The following DTWD2 variants were observed in gnomAD, a reference collection of about 807,000 sequenced individuals.
The protein encoded by DTWD2 is DTW motif tRNA-uridine aminocarboxypropyltransferase 2, also known as tRNA-uridine aminocarboxypropyltransferase 2.
Under a neutral mutation model 31.8 loss-of-function variants are expected in DTWD2, and 39 were observed. The observed-to-expected ratio is 1.22, with a 90% CI of 0.95 to 1.60. The LOEUF is 1.60. DTWD2 is among the 40% of genes most tolerant of loss of function. The pLI, the probability that DTWD2 is intolerant of heterozygous loss-of-function variation, is 0.00. For missense variants in DTWD2, 515 were observed against 381.5 expected (o/e 1.35, Z -2.92); for synonymous variants, 180 against 142.8 (o/e 1.26, Z -1.86).
At chr5:118,929,109 A>AAACAATCCT (rs1390476377) in intron 3 of DTWD2, among the ~76,000 whole-genome samples, 4 of 152,254 alleles carry the variant, frequency 2.6e-5, no homozygotes, top group African/African-American at 9.6e-5. Flanking sequence ...ATCCTAGCAC[A>AAACAATCCT]AACAATCCTA....
chr5:118,843,215 A>G (rs1259005895), intron 5 of DTWD2, among the ~76,000 whole-genome samples: 3 of 151,880 alleles, frequency 2.0e-5, no homozygotes, highest in Non-Finnish European at 4.4e-5. Context: ...TCGGCCTCCC[A>G]AAGTGCTGGG....
intron 1 of DTWD2, among the ~76,000 whole-genome samples, chr5:118,953,445 C>T (rs1754511074): frequency 1.3e-5 from 2 of 152,172 alleles, no homozygotes; most frequent in African/African-American, 2.4e-5. Context: ...CTTCCCCCTG[C>T]ATGAAAATTT....
chr5:118,914,649 T>C (rs1210303388), intron 4 of DTWD2, among the ~76,000 whole-genome samples: 1 of 152,122 alleles, frequency 6.6e-6, no homozygotes, highest in African/African-American at 2.4e-5. Context: ...TAAAACAAAA[T>C]ATTAGCAAAG....
chr5:118,899,799 C>CT (rs1163738328), intron 4 of DTWD2, among the ~76,000 whole-genome samples: 1,403 of 124,888 alleles, frequency 0.011, 7 homozygotes, highest in South Asian at 0.016. Context: ...TTCGTTTTTT[C>CT]TTTTTTTTTT....
intron 4 of DTWD2, 119 bp from the exon 5 acceptor site, chr5:118,848,337 G>GC: frequency 1.2e-6 from 1 of 831,802 alleles, no homozygotes; most frequent in South Asian, 2.3e-5. Flanking sequence ...AGTACTAAAT[G>GC]TGTCAATATC....
chr5:118,866,498 G>A (rs1301274793), intron 4 of DTWD2, among the ~76,000 whole-genome samples: 1 of 151,806 alleles, frequency 6.6e-6, no homozygotes, highest in Non-Finnish European at 1.5e-5. Flanking sequence ...TTCAAAAGAT[G>A]GGAAAACATA....
At chr5:118,935,129 C>A (rs762079628) in intron 3 of DTWD2, among the ~76,000 whole-genome samples, 4 of 152,064 alleles carry the variant, frequency 2.6e-5, no homozygotes, top group Non-Finnish European at 5.9e-5. Flanking sequence ...AAAACCCAAG[C>A]AGACAGGGTT....
At chr5:118,934,889 T>C (rs1287378550) in intron 3 of DTWD2, among the ~76,000 whole-genome samples, 3 of 152,196 alleles carry the variant, frequency 2.0e-5, no homozygotes, top group African/African-American at 4.8e-5. Context: ...GAAAGACATT[T>C]GTGATATTGT....
At chr5:118,906,602 A>G (rs1326233829) in intron 4 of DTWD2, among the ~76,000 whole-genome samples, 1 of 152,220 alleles carries the variant, frequency 6.6e-6, no homozygotes, top group African/African-American at 2.4e-5. Context: ...AGAGTACATA[A>G]TCTATGATTA....
intron 2 of DTWD2, among the ~76,000 whole-genome samples, chr5:118,943,906 A>G (rs964238814): frequency 4.6e-5 from 7 of 152,232 alleles, no homozygotes; most frequent in Non-Finnish European, 7.3e-5. Flanking sequence ...CTAAATACTG[A>G]AAGAGTTTTA....
intron 2 of DTWD2, among the ~76,000 whole-genome samples, chr5:118,940,662 T>C (rs1305274601): frequency 1.3e-5 from 2 of 152,198 alleles, no homozygotes; most frequent in African/African-American, 2.4e-5. Flanking sequence ...GAGAGAAATA[T>C]ATCTTTTGTC....
intron 3 of DTWD2, among the ~76,000 whole-genome samples, chr5:118,936,982 G>C (rs957075693): frequency 6.6e-6 from 1 of 152,054 alleles, no homozygotes; most frequent in South Asian, 2.1e-4. Context: ...CAACAATTTA[G>C]ATAACTTGTA....
chr5:118,888,365 T>G (rs560812426), intron 4 of DTWD2, among the ~76,000 whole-genome samples: 6 of 152,354 alleles, frequency 3.9e-5, no homozygotes, highest in Admixed American at 2.0e-4. Flanking sequence ...TAGGTACTCA[T>G]GTTTATCTGG....
intron 4 of DTWD2, among the ~76,000 whole-genome samples, chr5:118,895,845 T>C (rs1187329796): frequency 6.6e-6 from 1 of 152,112 alleles, no homozygotes; most frequent in Non-Finnish European, 1.5e-5. Flanking sequence ...TATCCCTATT[T>C]TTCACTATAC....
rs1753001965 is a variant in DTWD2 at position 118,892,777 on chromosome 5, A to G, written c.597+35760T>C. On this transcript the variant is annotated intron_variant, in intron 4 of 5. Coordinates refer to ENST00000510708, the MANE Select transcript of DTWD2 (RefSeq NM_173666.4). ...GTATTTTCCATCTGATCCTACTTCT[A>G]GGAGGTAAAAAAAAACCCAGCTCCA... 3.3e-5 allele frequency among the ~76,000 whole-genome samples: 5 copies of G among 152,044 alleles called. No individual in the cohort carries two copies. In the South Asian group the frequency reaches 1.0e-3, roughly 31 times the overall value.
intron 4 of DTWD2, among the ~76,000 whole-genome samples, chr5:118,848,826 C>G (rs541645482): frequency 5.6e-4 from 85 of 152,220 alleles, no homozygotes; most frequent in African/African-American, 1.9e-3. Context: ...TAGCCATACA[C>G]AGAAAACTGA....
chr5:118,889,374 C>T (rs574061132), intron 4 of DTWD2, among the ~76,000 whole-genome samples: 1 of 152,162 alleles, frequency 6.6e-6, no homozygotes, highest in Non-Finnish European at 1.5e-5. Context: ...AATTTAACAT[C>T]AAGCAATAAA....
intron 4 of DTWD2, among the ~76,000 whole-genome samples, chr5:118,897,650 T>C (rs1753112048): frequency 6.6e-6 from 1 of 152,122 alleles, no homozygotes; most frequent in Admixed American, 6.5e-5. Context: ...ACTGCAACAA[T>C]AGCCACACAT....
intron 1 of DTWD2, among the ~76,000 whole-genome samples, chr5:118,953,195 G>C (rs1754504292): frequency 1.3e-5 from 2 of 152,200 alleles, no homozygotes; most frequent in African/African-American, 4.8e-5. Context: ...CTGCTAGTGA[G>C]TAAGGAGTGA....
Sources: allele counts gnomAD v4.1 joint callset (sites outside exome capture counted in the v4.1 genomes callset), GRCh38; gene constraint gnomAD v4.1.1; transcripts MANE v1.5; gene names NCBI Gene and HGNC (gene_info 2026-07-23, HGNC 2026-07-21).